GRIPAP1: variants seen among roughly 807,000 people sequenced by gnomAD.
GRIPAP1 encodes GRIP1 associated protein 1, also known as GRIP1-associated protein 1.
In GRIPAP1, 14 loss-of-function variants were observed where a neutral mutation model predicts 84.1. The observed-to-expected ratio is 0.17, with a 90% CI of 0.11 to 0.26. The LOEUF is 0.26. Ranked by LOEUF, GRIPAP1 falls within the 10% of genes least tolerant of loss-of-function variation. GRIPAP1 has a pLI of 1.00. For missense variants in GRIPAP1, 518 were observed against 674.2 expected (o/e 0.77, Z 2.57); for synonymous variants, 261 against 256.8 (o/e 1.02, Z -0.15).
At chrX:49,000,193 G>A (rs367968829) in intron 1 of GRIPAP1, among the ~76,000 whole-genome samples, 8 of 107,422 alleles carry the variant, frequency 7.4e-5, no homozygotes, top group African/African-American at 1.0e-4. Flanking sequence ...GTGAAACCCC[G>A]TCTCCACTAA....
At chrX:48,987,970 C>T (rs2064500762) in intron 12 of GRIPAP1, 93 bp from the exon 13 acceptor site, 1 of 478,068 alleles carries the variant, frequency 2.1e-6, no homozygotes, top group Non-Finnish European at 3.6e-6. Context: ...CACACACACA[C>T]ACACACACAC....
At chrX:49,000,365 A>C (rs1356556401) in intron 1 of GRIPAP1, among the ~76,000 whole-genome samples, 1 of 9,558 alleles carries the variant, frequency 1.0e-4, no homozygotes, top group African/African-American at 1.4e-4. Context: ...ACTCTGTCTC[A>C]AAAAAAAAAA....
At chrX:48,998,088 T>G in intron 4 of GRIPAP1, 66 bp downstream of exon 4, 1 of 802,567 alleles carries the variant, frequency 1.2e-6, no homozygotes, top group African/African-American at 2.0e-5. Context: ...CAAGGAAATA[T>G]CAGCATACAG....
intron 4 of GRIPAP1, chrX:48,997,924 G>A (rs782514215): frequency 4.7e-6 from 2 of 423,430 alleles, no homozygotes; most frequent in East Asian, 8.1e-5. Flanking sequence ...AAAACAGACA[G>A]AGACAGAAAG....
In GRIPAP1 at chrX:48,976,033, T is replaced by G; in HGVS notation, c.2263A>C (p.Met755Leu). 1 of 1,210,644 alleles carries G rather than the reference T, an allele frequency of 8.3e-7. No individual in the cohort carries two copies. The highest frequency in any genetic ancestry group is 1.1e-6 in the Non-Finnish European group (1 of 894,491). Residue 755 changes from methionine (M) to leucine (L), a missense_variant, in exon 24 of 26, where the codon ATG (methionine) becomes CTG (leucine). By Grantham distance (15) the Met-to-Leu change is conservative (BLOSUM62 2). Transcript: ENST00000376423. ...RKSAIIETYVMDSRIDVSVAA... is the reference protein window; with the variant it reads ...RKSAIIETYVLDSRIDVSVAA... ...GGACACTGACCGATCCGGCTGTCCATGACGTAGGTCTCAATGATGGCGCTC... is the reference window on the plus strand; with the variant it reads ...GGACACTGACCGATCCGGCTGTCCAGGACGTAGGTCTCAATGATGGCGCTC...
At chrX:48,998,039 T>G in intron 4 of GRIPAP1, 115 bp downstream of exon 4, 1 of 579,825 alleles carries the variant, frequency 1.7e-6, no homozygotes, top group Admixed American at 2.3e-5. Context: ...AGTGAGGTAG[T>G]AGCAGATGTA....
chrX:48,978,234 G>A lies in GRIPAP1; in HGVS notation c.2061+71C>T, dbSNP rs782711151. On this transcript the variant is annotated intron_variant, in intron 22 of 25. Coordinates refer to ENST00000376423, the MANE Select transcript of GRIPAP1 (RefSeq NM_020137.5). ...AGTAGGAGATGGGTTTAGGTGAGGA[G>A]AAAAGGGGAGGGGTTCTCAGATTTT... 5 of 1,130,555 alleles carry A rather than the reference G, an allele frequency of 4.4e-6. No individual in the cohort carries two copies. In the South Asian group the frequency reaches 9.4e-5, roughly 21 times the overall value. 93.2% of individuals were successfully genotyped at this position (1,130,555 alleles called of 1,213,427 possible). A position where few individuals can be genotyped will look rare whatever the true frequency, so the allele number is the denominator to read the frequency against.
chrX:48,983,767 TC>T lies in GRIPAP1; in HGVS notation c.1272+7del. 1 of 1,070,140 alleles carries T rather than the reference TC, an allele frequency of 9.3e-7. No homozygotes were observed. The highest frequency in any genetic ancestry group is 1.3e-6 in the Non-Finnish European group (1 of 766,896). 88.2% of individuals were successfully genotyped at this position (1,070,140 alleles called of 1,213,427 possible). A position where few individuals can be genotyped will look rare whatever the true frequency, so the allele number is the denominator to read the frequency against. On this transcript the variant is annotated splice_region_variant and intron_variant, in intron 15 of 25. Coordinates refer to ENST00000376423, the MANE Select transcript of GRIPAP1 (RefSeq NM_020137.5). ...CATCCTCTCCCTTCAACCCTCATGT[TC>T]CCCTACCTTCCGAGCCTCCTGTAAT...
chrX:48,997,190 G>A (rs1557066952), intron 5 of GRIPAP1, 60 bp downstream of exon 5: 3 of 645,668 alleles, frequency 4.6e-6, no homozygotes, highest in Non-Finnish European at 4.9e-6. Context: ...CCGCTGTTAG[G>A]TTTCAGCCCA....
Position 48,987,934 on chromosome X carries a change from C to A in GRIPAP1, c.949-57G>T, listed in dbSNP as rs371781672. On this transcript the variant is annotated intron_variant, in intron 12 of 25. Coordinates refer to ENST00000376423, the MANE Select transcript of GRIPAP1 (RefSeq NM_020137.5). ...GTCCAGAACAGGGGGACAGGACCTA[C>A]CCACGACCAAGAAAGAAAGGACACA... 1.2e-3 allele frequency: 920 copies of A among 755,899 alleles called. 4 individuals carry two copies. In the South Asian group the frequency reaches 0.017, roughly 14 times the overall value. The allele number at this position is 755,899 out of a possible 1,213,427, so 62.3% of individuals were successfully genotyped here.
chrX:48,994,743 G>A (rs1171726611), intron 5 of GRIPAP1, among the ~76,000 whole-genome samples: 5 of 111,796 alleles, frequency 4.5e-5, no homozygotes, highest in African/African-American at 1.6e-4. Context: ...TCTGAAACCA[G>A]ACTGCTTGAA....
chrX:48,978,065 C>G (rs782203843), intron 22 of GRIPAP1: 3 of 323,107 alleles, frequency 9.3e-6, no homozygotes, highest in African/African-American at 8.0e-5. Flanking sequence ...ATTTATGGCA[C>G]CAGAGAAGGG....
chrX:48,983,480 C>T (rs1557062857), intron 15 of GRIPAP1, 40 bp from the exon 16 acceptor site: 2 of 1,128,183 alleles, frequency 1.8e-6, no homozygotes, highest in Non-Finnish European at 1.2e-6. Flanking sequence ...CCTTCCACAA[C>T]ATCGAAAAAA....
chrX:48,996,547 G>A (rs1256013472), intron 5 of GRIPAP1, among the ~76,000 whole-genome samples: 3 of 112,406 alleles, frequency 2.7e-5, no homozygotes, highest in African/African-American at 9.7e-5. Flanking sequence ...GGAGGCTGAG[G>A]CAGGAGAATC....
intron 16 of GRIPAP1, 32 bp from the exon 17 acceptor site, chrX:48,983,124 A>G: frequency 1.8e-6 from 2 of 1,132,031 alleles, no homozygotes; most frequent in Non-Finnish European, 2.4e-6. Flanking sequence ...TGGGCCAGGA[A>G]GGCAGAGGAG....
chrX:48,984,807 G>C (rs2064478198), intron 14 of GRIPAP1, among the ~76,000 whole-genome samples: 1 of 105,610 alleles, frequency 9.5e-6, no homozygotes, highest in Non-Finnish European at 1.9e-5. Flanking sequence ...CAGATCACGA[G>C]GTCAGGAGAT....
Position 48,990,718 on chromosome X carries a change from G to A in GRIPAP1, c.657C>T (p.Ala219=), listed in dbSNP as rs782297649. 2 of 1,202,551 alleles carry A rather than the reference G, an allele frequency of 1.7e-6. No individual in the cohort carries two copies. The highest frequency in any genetic ancestry group is 3.0e-5 in the East Asian group (1 of 33,566). ...GTTCCTCCTGCAGCCTGGATGTTTC[G>A]GCCTGCTTTGAGCTCTGCAGGGAAG... ...QLQGLESSKQ[A]ETSRLQEELA... is the part of the protein sequence containing the mutation. The change falls in exon 8 of 26, where the codon GCC becomes GCT. Residue 219 remains alanine (A), a synonymous_variant. Coordinates refer to ENST00000376423, the MANE Select transcript of GRIPAP1 (RefSeq NM_020137.5).
At chrX:49,000,312 C>G (rs1403727054) in intron 1 of GRIPAP1, among the ~76,000 whole-genome samples, 8 of 86,971 alleles carry the variant, frequency 9.2e-5, no homozygotes, top group African/African-American at 3.5e-4. Flanking sequence ...TTGCAGTGAG[C>G]CGAGATTGTG....
At chrX:48,996,871 G>C (rs2064549700) in intron 5 of GRIPAP1, among the ~76,000 whole-genome samples, 1 of 111,395 alleles carries the variant, frequency 9.0e-6, no homozygotes, top group South Asian at 3.8e-4. Flanking sequence ...CAGATGAAGA[G>C]AAGAAAGAGA....
Sources: allele counts gnomAD v4.1 joint callset (sites outside exome capture counted in the v4.1 genomes callset), GRCh38; gene constraint gnomAD v4.1.1; transcripts MANE v1.5; gene names NCBI Gene and HGNC (gene_info 2026-07-23, HGNC 2026-07-21).